EFCAB11: variants seen among roughly 807,000 people sequenced by gnomAD.
EFCAB11 encodes the protein EF-hand calcium-binding domain-containing protein 11.
A neutral mutation model predicts 23.0 loss-of-function variants in EFCAB11; 14 were observed. The ratio of observed to expected loss-of-function variants is 0.61; its 90% confidence interval spans 0.40 to 0.95. The LOEUF (loss-of-function observed/expected upper bound fraction) is 0.95. Among genes scored for constraint, EFCAB11 ranks in the 40% least tolerant of loss-of-function variants. EFCAB11 has a pLI of 0.00. For synonymous variants in EFCAB11, 65 were observed against 66.6 expected, an observed-to-expected ratio of 0.98 and a Z score of 0.11; for missense variants, 198 against 195.8, an observed-to-expected ratio of 1.01 and a Z score of -0.07.
At chr14:89,934,358 A>C (rs1359433225) in intron 3 of EFCAB11, among the ~76,000 whole-genome samples, 2 of 152,236 alleles carry the variant, frequency 1.3e-5, no homozygotes, top group East Asian at 3.8e-4. Context: ...AGCTTGATGA[A>C]GAACTAGATG....
intron 5 of EFCAB11, among the ~76,000 whole-genome samples, chr14:89,842,592 GATATA>G (rs1261249945): frequency 3.4e-4 from 35 of 103,280 alleles, no homozygotes; most frequent in Non-Finnish European, 5.0e-4. Flanking sequence ...AAATTAATAT[GATATA>G]ATATGATATG....
At chr14:89,896,218 A>G (rs1399839648) in intron 5 of EFCAB11, among the ~76,000 whole-genome samples, 1 of 152,182 alleles carries the variant, frequency 6.6e-6, no homozygotes, top group Non-Finnish European at 1.5e-5. Context: ...CCCCGTCTCT[A>G]CTAAAAATAC....
At chr14:89,822,829 C>T (rs374067136) in intron 5 of EFCAB11, among the ~76,000 whole-genome samples, 7 of 152,226 alleles carry the variant, frequency 4.6e-5, no homozygotes, top group South Asian at 4.2e-4. Flanking sequence ...AAATCAGTCA[C>T]GGAGTAAAAG....
intron 5 of EFCAB11, among the ~76,000 whole-genome samples, chr14:89,861,742 A>C (rs1887928968): frequency 6.6e-6 from 1 of 152,176 alleles, no homozygotes; most frequent in South Asian, 2.1e-4. Flanking sequence ...AAAAAGAGGA[A>C]GAGAGACCTG....
chr14:89,827,133 T>A (rs918895296), intron 5 of EFCAB11, among the ~76,000 whole-genome samples: 1 of 152,206 alleles, frequency 6.6e-6, no homozygotes, highest in Non-Finnish European at 1.5e-5. Context: ...AATTCTGCAA[T>A]TAAAAGGTAG....
chr14:89,915,011 A>G (rs1889793470), intron 5 of EFCAB11, among the ~76,000 whole-genome samples: 1 of 152,126 alleles, frequency 6.6e-6, no homozygotes, highest in South Asian at 2.1e-4. Context: ...TCCTGCTGTC[A>G]CAGGAATATA....
intron 3 of EFCAB11, among the ~76,000 whole-genome samples, chr14:89,944,935 T>C (rs1013835338): frequency 8.8e-6 from 1 of 113,894 alleles, no homozygotes; most frequent in African/African-American, 3.4e-5. Flanking sequence ...TTAGATCTAA[T>C]AATAAATCTA....
At chr14:89,913,100 G>A (rs1889731847) in intron 5 of EFCAB11, among the ~76,000 whole-genome samples, 1 of 152,212 alleles carries the variant, frequency 6.6e-6, no homozygotes, top group African/African-American at 2.4e-5. Context: ...CAAGGCAGGC[G>A]TGAATGAAAA....
At chr14:89,835,083 A>G (rs1274859204) in intron 5 of EFCAB11, among the ~76,000 whole-genome samples, 3 of 152,002 alleles carry the variant, frequency 2.0e-5, no homozygotes, top group African/African-American at 7.3e-5. Context: ...ATTTTCTTGG[A>G]GATATAGGAG....
intron 5 of EFCAB11, among the ~76,000 whole-genome samples, chr14:89,908,956 T>C (rs1889578227): frequency 6.6e-6 from 1 of 152,160 alleles, no homozygotes; most frequent in South Asian, 2.1e-4. Context: ...GCCAAGATAG[T>C]AGGCAAAACA....
At chr14:89,853,267 C>T (rs1887649859) in intron 5 of EFCAB11, among the ~76,000 whole-genome samples, 1 of 152,186 alleles carries the variant, frequency 6.6e-6, no homozygotes, top group South Asian at 2.1e-4. Context: ...CAGTTCACCA[C>T]GTCGTGGGCA....
At chr14:89,910,224 A>C (rs941518941) in intron 5 of EFCAB11, among the ~76,000 whole-genome samples, 1 of 152,208 alleles carries the variant, frequency 6.6e-6, no homozygotes, top group Non-Finnish European at 1.5e-5. Context: ...TAGGGGACAA[A>C]GAGAAGGCAG....
In EFCAB11 at chr14:89,916,115, T is replaced by TC. The variant is rs1006463871; in HGVS notation, c.410+15425dup. Among the ~76,000 whole-genome samples, 3 of 148,344 alleles carry TC rather than the reference T, an allele frequency of 2.0e-5. No individual in the cohort carries two copies. In the Admixed American group the frequency reaches 2.0e-4, roughly 10 times the overall value. On this transcript the variant is annotated intron_variant, in intron 5 of 5. Coordinates refer to ENST00000316738, the MANE Select transcript of EFCAB11 (RefSeq NM_145231.4). ...TACCCCTGAAGAACAGTCTAATTTT[T>TC]CCCCCCAAAACAATTTGTGTTTTCT... is the stretch of plus-strand genomic sequence containing the variant.
At position 89,827,158 on chromosome 14, in the gene EFCAB11, C is replaced by T. The variant is rs987121989; in HGVS notation, c.411-29834G>A. Among the ~76,000 whole-genome samples the T allele has an allele frequency of 5.9e-5, 9 of 152,274 alleles. No individual in the cohort carries two copies. In the South Asian group the frequency reaches 1.9e-3, roughly 32 times the overall value. Reference sequence around the variant, plus strand: ...TTAAAAGGTAGTAACCATTAAAACACATGAAGCCTCTACCATCCTCAGGGC... The same window carrying T: ...TTAAAAGGTAGTAACCATTAAAACATATGAAGCCTCTACCATCCTCAGGGC... On this transcript the variant is annotated intron_variant, in intron 5 of 5. Coordinates refer to ENST00000316738, the MANE Select transcript of EFCAB11 (RefSeq NM_145231.4).
intron 5 of EFCAB11, among the ~76,000 whole-genome samples, chr14:89,801,592 A>G (rs1360768765): frequency 1.3e-5 from 2 of 152,208 alleles, no homozygotes; most frequent in Admixed American, 1.3e-4. Flanking sequence ...AAGACCTCAG[A>G]TGACACAGGA....
At chr14:89,891,817 C>A (rs947055019) in intron 5 of EFCAB11, among the ~76,000 whole-genome samples, 46 of 152,124 alleles carry the variant, frequency 3.0e-4, no homozygotes, top group African/African-American at 1.1e-3. Flanking sequence ...GCTGCCGCTA[C>A]CAATTTCGGG....
chr14:89,875,743 G>T (rs1430787362), intron 5 of EFCAB11, among the ~76,000 whole-genome samples: 1 of 152,198 alleles, frequency 6.6e-6, no homozygotes, highest in East Asian at 1.9e-4. Flanking sequence ...TTGAAGATGG[G>T]GGTGAGACAC....
intron 5 of EFCAB11, among the ~76,000 whole-genome samples, chr14:89,921,599 G>A (rs1951793): frequency 0.011 from 1,635 of 152,302 alleles, 14 homozygotes; most frequent in South Asian, 0.021. Context: ...GGTCTTTGGA[G>A]AACTCTTTGA....
chr14:89,916,663 T>C (rs1373440154), intron 5 of EFCAB11, among the ~76,000 whole-genome samples: 3 of 152,260 alleles, frequency 2.0e-5, no homozygotes, highest in Non-Finnish European at 4.4e-5. Context: ...TATTTGTTCA[T>C]GTATTCGTCA....
Sources: gnomAD v4.1 joint callset for allele counts (sites outside exome capture counted in the v4.1 genomes callset) on GRCh38, gnomAD v4.1.1 for gene constraint, MANE v1.5 for transcripts, NCBI Gene and HGNC (gene_info 2026-07-23, HGNC 2026-07-21) for gene names.